Variants in FOXP2 observed in about 807,000 individuals in gnomAD.
FOXP2 encodes forkhead box protein P2.
A neutral mutation model predicts 115.8 loss-of-function variants in FOXP2; 12 were observed. That is an observed-to-expected ratio of 0.10 (90% CI 0.07 to 0.17). The LOEUF is 0.17. Among genes scored for constraint, FOXP2 ranks in the 10% least tolerant of loss-of-function variants. The pLI is 1.00. For synonymous variants in FOXP2, 328 were observed against 297.7 expected, an observed-to-expected ratio of 1.10 and a Z score of -1.05; for missense variants, 629 against 843.5, an observed-to-expected ratio of 0.75 and a Z score of 3.15.
chr7:114,652,533 T>C lies in FOXP2; in HGVS notation c.1182+243T>C, dbSNP rs947296866. On this transcript the variant is annotated intron_variant, in intron 9 of 16. Coordinates refer to ENST00000350908, the MANE Select transcript of FOXP2 (RefSeq NM_014491.4). ...AACTTTTAGACCACATCATATGAAT[T>C]TGAATATCCCAAAGTAGTCAGATCT... Among the ~76,000 whole-genome samples, 7 of 152,226 alleles carry C rather than the reference T, an allele frequency of 4.6e-5. No homozygotes were observed. The South Asian group carries it at 1.4e-3, about 32-fold the overall frequency.
chr7:114,333,098 G>A (rs1380221664), intron 2 of FOXP2, among the ~76,000 whole-genome samples: 1 of 152,046 alleles, frequency 6.6e-6, no homozygotes, highest in Non-Finnish European at 1.5e-5. Flanking sequence ...AATTCTCGGA[G>A]GAATAATAAT....
intron 1 of FOXP2, among the ~76,000 whole-genome samples, chr7:114,124,048 G>T (rs1562971551): frequency 1.3e-5 from 2 of 151,796 alleles, no homozygotes; most frequent in Non-Finnish European, 2.9e-5. Flanking sequence ...CCTTTTATGG[G>T]TTTCTTTCTT....
intron 3 of FOXP2, among the ~76,000 whole-genome samples, chr7:114,562,361 A>G (rs4495358): frequency 0.093 from 14,159 of 152,130 alleles, 713 homozygotes; most frequent in Middle Eastern, 0.16. Flanking sequence ...TCCCTGCATC[A>G]GTTTCTAGCC....
intron 3 of FOXP2, among the ~76,000 whole-genome samples, chr7:114,535,500 G>A (rs1395063168): frequency 2.6e-5 from 4 of 151,260 alleles, no homozygotes; most frequent in South Asian, 2.1e-4. Context: ...GGCAAATTTA[G>A]TTTTTTAACA....
intron 16 of FOXP2, among the ~76,000 whole-genome samples, chr7:114,685,689 G>A (rs983488417): frequency 6.6e-6 from 1 of 152,118 alleles, no homozygotes; most frequent in Non-Finnish European, 1.5e-5. Context: ...AGTGTTCTTT[G>A]CCCATGCATG....
At chr7:114,150,263 C>G (rs1455043224) in intron 1 of FOXP2, among the ~76,000 whole-genome samples, 2 of 151,848 alleles carry the variant, frequency 1.3e-5, no homozygotes, top group African/African-American at 2.4e-5. Context: ...GGAAAGGTAG[C>G]CCTCCATTTG....
chr7:114,514,522 C>T (rs992967304), intron 2 of FOXP2, among the ~76,000 whole-genome samples: 1 of 151,910 alleles, frequency 6.6e-6, no homozygotes, highest in African/African-American at 2.4e-5. Context: ...TCTTTCTATT[C>T]CTGGTTTATT....
intron 1 of FOXP2, among the ~76,000 whole-genome samples, chr7:114,281,612 A>T (rs988992686): frequency 2.0e-5 from 3 of 152,014 alleles, no homozygotes; most frequent in Non-Finnish European, 4.4e-5. Context: ...TTATTGATTA[A>T]TTTTTGATTT....
At chr7:114,273,067 T>C (rs1339593624) in intron 1 of FOXP2, among the ~76,000 whole-genome samples, 1 of 151,970 alleles carries the variant, frequency 6.6e-6, no homozygotes, top group African/African-American at 2.4e-5. Flanking sequence ...TTTTCTAATA[T>C]TGCATTTAAT....
chr7:114,376,562 A>AT (rs1326920034), intron 2 of FOXP2, among the ~76,000 whole-genome samples: 8 of 152,232 alleles, frequency 5.3e-5, no homozygotes, highest in East Asian at 3.9e-4. Flanking sequence ...GCTGTGTTAG[A>AT]TTTTTTTCAC....
At chr7:114,487,112 A>G (rs999504887) in intron 2 of FOXP2, among the ~76,000 whole-genome samples, 3 of 152,212 alleles carry the variant, frequency 2.0e-5, no homozygotes, top group Non-Finnish European at 2.9e-5. Context: ...GAGGACCTCA[A>G]CCCTAAAGCA....
intron 1 of FOXP2, among the ~76,000 whole-genome samples, chr7:114,111,120 G>T (rs979552187): frequency 1.3e-5 from 2 of 152,124 alleles, no homozygotes; most frequent in African/African-American, 4.8e-5. Context: ...ATTAATGCCT[G>T]CAATCAATCA....
chr7:114,501,950 G>A (rs1797581478), intron 2 of FOXP2, among the ~76,000 whole-genome samples: 1 of 151,900 alleles, frequency 6.6e-6, no homozygotes, highest in Non-Finnish European at 1.5e-5. Context: ...AACAAGCTTT[G>A]GTAGCCTTTT....
intron 1 of FOXP2, among the ~76,000 whole-genome samples, chr7:114,137,007 G>A (rs1006301452): frequency 6.6e-6 from 1 of 151,938 alleles, no homozygotes; most frequent in African/African-American, 2.4e-5. Context: ...TCTTGGTTTT[G>A]AAATAAAATA....
intron 2 of FOXP2, among the ~76,000 whole-genome samples, chr7:114,449,772 C>G (rs1794992474): frequency 6.6e-6 from 1 of 151,980 alleles, no homozygotes; most frequent in Admixed American, 6.6e-5. Flanking sequence ...TGTTATATAC[C>G]TTTGAAATTG....
At chr7:114,627,277 T>A (rs1804642877) in intron 3 of FOXP2, among the ~76,000 whole-genome samples, 1 of 152,010 alleles carries the variant, frequency 6.6e-6, no homozygotes, top group African/African-American at 2.4e-5. Flanking sequence ...GAACCGTATC[T>A]TTTAATCTTT....
At chr7:114,637,571 C>G (rs1290862093) in intron 6 of FOXP2, among the ~76,000 whole-genome samples, 4 of 152,080 alleles carry the variant, frequency 2.6e-5, no homozygotes, top group African/African-American at 9.7e-5. Context: ...TGACTGCAGG[C>G]ACTCTTATAG....
chr7:114,671,161 G>A (rs942148492), intron 16 of FOXP2, among the ~76,000 whole-genome samples: 3 of 151,708 alleles, frequency 2.0e-5, no homozygotes, highest in Non-Finnish European at 2.9e-5. Flanking sequence ...GTGATTGTAC[G>A]GAACTTATGA....
intron 2 of FOXP2, among the ~76,000 whole-genome samples, chr7:114,526,991 A>ATTTTTTTTT (rs200748852): frequency 1.6e-5 from 2 of 128,836 alleles, no homozygotes; most frequent in Non-Finnish European, 1.6e-5. Flanking sequence ...CCACTAATCT[A>ATTTTTTTTT]TTTTTTTTTT....
Sources: allele counts gnomAD v4.1 joint callset (sites outside exome capture counted in the v4.1 genomes callset), GRCh38; gene constraint gnomAD v4.1.1; transcripts MANE v1.5; gene names NCBI Gene and HGNC (gene_info 2026-07-23, HGNC 2026-07-21).